Variants in CFAP61 observed in about 807,000 individuals in gnomAD.
CFAP61 encodes cilia and flagella associated protein 61, also known as cilia- and flagella-associated protein 61.
CFAP61 carries 107 observed loss-of-function variants against 135.6 expected under a neutral mutation model. The observed-to-expected ratio is 0.79, with a 90% confidence interval of 0.67 to 0.93. The LOEUF (loss-of-function observed/expected upper bound fraction) is 0.93. Ranked by LOEUF, CFAP61 falls within the 40% of genes least tolerant of loss-of-function variation. The pLI, the probability that CFAP61 is intolerant of heterozygous loss-of-function variation, is 0.00. For missense variants in CFAP61, 1,507 were observed against 1,556.2 expected (o/e 0.97, Z 0.53); for synonymous variants, 575 against 578.5 (o/e 0.99, Z 0.09).
At chr20:20,060,691 C>A (rs2044731987) in intron 2 of CFAP61, among the ~76,000 whole-genome samples, 1 of 152,172 alleles carries the variant, frequency 6.6e-6, no homozygotes, top group Admixed American at 6.5e-5. Flanking sequence ...TCATGGCTCG[C>A]CTTATGCAGC....
At chr20:20,257,674 G>A (rs570545454) in intron 20 of CFAP61, among the ~76,000 whole-genome samples, 2 of 149,788 alleles carry the variant, frequency 1.3e-5, no homozygotes, top group African/African-American at 4.9e-5. Flanking sequence ...GAATTTCATA[G>A]TAGTACAAAA....
At chr20:20,294,140 C>T (rs970316918) in intron 24 of CFAP61, among the ~76,000 whole-genome samples, 2 of 152,160 alleles carry the variant, frequency 1.3e-5, no homozygotes, top group African/African-American at 2.4e-5. Flanking sequence ...CCTACCAAAC[C>T]GGAAGGTTGC....
intron 8 of CFAP61, among the ~76,000 whole-genome samples, chr20:20,103,547 C>T (rs1319483952): frequency 6.6e-6 from 1 of 152,124 alleles, no homozygotes; most frequent in Non-Finnish European, 1.5e-5. Flanking sequence ...TACACACTTA[C>T]AAAGGGCTTT....
At chr20:20,294,820 C>T (rs890371079) in intron 24 of CFAP61, among the ~76,000 whole-genome samples, 1 of 150,550 alleles carries the variant, frequency 6.6e-6, no homozygotes, top group African/African-American at 2.4e-5. Context: ...CCCAGCTACT[C>T]GGGAGGCTGA....
At chr20:20,203,109 G>A (rs2056701235) in intron 17 of CFAP61, among the ~76,000 whole-genome samples, 1 of 152,114 alleles carries the variant, frequency 6.6e-6, no homozygotes, top group Non-Finnish European at 1.5e-5. Context: ...TGGACGATCA[G>A]TGTCCCGGCC....
intron 7 of CFAP61, among the ~76,000 whole-genome samples, chr20:20,092,606 G>C (rs2047278763): frequency 1.4e-5 from 2 of 143,240 alleles, no homozygotes; most frequent in Admixed American, 1.4e-4. Context: ...CTTGGATCCA[G>C]AATATATACA....
chr20:20,250,242 A>G (rs2146982610), intron 19 of CFAP61, among the ~76,000 whole-genome samples: 1 of 152,324 alleles, frequency 6.6e-6, no homozygotes, highest in Non-Finnish European at 1.5e-5. Context: ...TCTCATTAAT[A>G]TTATTTAGAA....
intron 25 of CFAP61, among the ~76,000 whole-genome samples, chr20:20,325,373 G>A (rs1214043592): frequency 6.6e-6 from 1 of 152,156 alleles, no homozygotes; most frequent in East Asian, 1.9e-4. Flanking sequence ...AATCCTCTGT[G>A]CTGTGCCTAC....
chr20:20,160,036 G>A (rs967462710), intron 10 of CFAP61, among the ~76,000 whole-genome samples: 1 of 152,198 alleles, frequency 6.6e-6, no homozygotes, highest in Non-Finnish European at 1.5e-5. Flanking sequence ...TGTCCCTTCT[G>A]TTCCCTGCCA....
chr20:20,117,847 A>G (rs2146685030), intron 8 of CFAP61, among the ~76,000 whole-genome samples: 1 of 152,162 alleles, frequency 6.6e-6, no homozygotes, highest in African/African-American at 2.4e-5. Flanking sequence ...TATTTTTTAT[A>G]GCTATTGTAA....
chr20:20,069,048 C>T (rs986960824), intron 2 of CFAP61, among the ~76,000 whole-genome samples: 2 of 152,016 alleles, frequency 1.3e-5, no homozygotes, highest in African/African-American at 4.8e-5. Flanking sequence ...CGGCCTTTAC[C>T]TTCTATATAT....
intron 25 of CFAP61, among the ~76,000 whole-genome samples, chr20:20,310,956 G>C (rs1398179620): frequency 6.6e-6 from 1 of 152,212 alleles, no homozygotes; most frequent in Non-Finnish European, 1.5e-5. Context: ...ACCTCATGGT[G>C]TTCATGTCCA....
chr20:20,312,443 CAATTGA>C (rs1168328735), intron 25 of CFAP61, among the ~76,000 whole-genome samples: 9 of 152,170 alleles, frequency 5.9e-5, no homozygotes, highest in African/African-American at 2.2e-4. Context: ...GAAGACATAA[CAATTGA>C]AACTGCCCAA....
intron 13 of CFAP61, among the ~76,000 whole-genome samples, chr20:20,170,986 T>G (rs1321340890): frequency 6.6e-6 from 1 of 152,194 alleles, no homozygotes; most frequent in Non-Finnish European, 1.5e-5. Flanking sequence ...GTATCATTAT[T>G]ATCCTCATTT....
intron 17 of CFAP61, among the ~76,000 whole-genome samples, chr20:20,212,749 G>T (rs1270865639): frequency 6.6e-6 from 1 of 152,196 alleles, no homozygotes; most frequent in African/African-American, 2.4e-5. Flanking sequence ...GAAACCGCAA[G>T]CACAGGGCCT....
chr20:20,346,333 A>T (rs1307726256), intron 26 of CFAP61, among the ~76,000 whole-genome samples: 3 of 150,426 alleles, frequency 2.0e-5, no homozygotes, highest in African/African-American at 7.3e-5. Context: ...TCTGGCCAAC[A>T]TGGTGAAACC....
chr20:20,108,721 A>C (rs893395946), intron 8 of CFAP61, among the ~76,000 whole-genome samples: 1 of 152,236 alleles, frequency 6.6e-6, no homozygotes, highest in East Asian at 1.9e-4. Flanking sequence ...GAAAAGTTGC[A>C]GATACGTTTT....
At chr20:20,202,010 A>T (rs2056647179) in intron 17 of CFAP61, among the ~76,000 whole-genome samples, 1 of 132,464 alleles carries the variant, frequency 7.5e-6, no homozygotes, top group African/African-American at 2.8e-5. Context: ...CAGTTAGGTG[A>T]CTTTGAGGTG....
rs565912829 is a variant in CFAP61, at chr20:20,284,670, G to A, written c.2797-3939G>A. On this transcript the variant is annotated intron_variant, in intron 22 of 26. Coordinates refer to ENST00000245957, the MANE Select transcript of CFAP61 (RefSeq NM_015585.4). ...CATCAGCAATCTTTCATGTTCAATA[G>A]AGTTAATATTGTACCATTTCACATA... Among the ~76,000 whole-genome samples the A allele has an allele frequency of 3.2e-4, 48 of 152,274 alleles. No homozygotes were observed. The South Asian group carries it at 5.8e-3, about 18-fold the overall frequency.
Sources: gnomAD v4.1 joint callset for allele counts (sites outside exome capture counted in the v4.1 genomes callset) on GRCh38, gnomAD v4.1.1 for gene constraint, MANE v1.5 for transcripts, NCBI Gene and HGNC (gene_info 2026-07-23, HGNC 2026-07-21) for gene names.